The following PKN2 variants were observed in gnomAD, a reference collection of about 807,000 sequenced individuals.
PKN2 encodes protein kinase N2, also known as serine/threonine-protein kinase N2.
PKN2 carries 38 observed loss-of-function variants against 119.1 expected under a neutral mutation model. That is an observed-to-expected ratio of 0.32 (90% CI 0.25 to 0.42). PKN2 has a LOEUF of 0.42. PKN2 is among the 10% of genes least tolerant of loss of function. PKN2 has a pLI of 1.00. For missense variants in PKN2, 850 were observed against 1,165.1 expected, an observed-to-expected ratio of 0.73 and a Z score of 3.94; for synonymous variants, 390 against 384.9, an observed-to-expected ratio of 1.01 and a Z score of -0.15.
chr1:88,815,084 C>T (rs753017225), intron 16 of PKN2, among the ~76,000 whole-genome samples: 13 of 152,168 alleles, frequency 8.5e-5, no homozygotes, highest in Non-Finnish European at 1.8e-4. Context: ...TTCATTCCCT[C>T]AATATTTAAG....
At chr1:88,765,030 C>T (rs1435583274) in intron 3 of PKN2, among the ~76,000 whole-genome samples, 1 of 152,122 alleles carries the variant, frequency 6.6e-6, no homozygotes, top group Non-Finnish European at 1.5e-5. Context: ...TCAAGCGATT[C>T]TTCTGCCTCA....
intron 19 of PKN2, among the ~76,000 whole-genome samples, chr1:88,831,136 T>G (rs1672713242): frequency 6.6e-6 from 1 of 151,978 alleles, no homozygotes; most frequent in Non-Finnish European, 1.5e-5. Context: ...GACATGGTTT[T>G]AGATACTGTC....
rs147050619 is a variant in PKN2 at position 88,694,077 on chromosome 1, G to A, written c.48+9449G>A. On this transcript the variant is annotated intron_variant, in intron 1 of 21. Transcript: ENST00000370521. ...CCTACATATGTACATATGCATTATC[G>A]ACATCCTCCACAAGAGTACATTTGT... Among the ~76,000 whole-genome samples the A allele has an allele frequency of 3.9e-5, 6 of 152,186 alleles. No individual in the cohort carries two copies. In the East Asian group the frequency reaches 7.7e-4, roughly 20 times the overall value.
chr1:88,728,239 A>G (rs768742080), intron 1 of PKN2, among the ~76,000 whole-genome samples: 5 of 152,026 alleles, frequency 3.3e-5, no homozygotes, highest in East Asian at 3.9e-4. Flanking sequence ...AGCCTACTCA[A>G]TCTTGTTGAG....
chr1:88,697,131 T>A (rs1262850674), intron 1 of PKN2, among the ~76,000 whole-genome samples: 1 of 152,178 alleles, frequency 6.6e-6, no homozygotes, highest in African/African-American at 2.4e-5. Context: ...AGCATTTTGA[T>A]ACATTTGCAA....
chr1:88,700,437 T>G (rs184713045), intron 1 of PKN2, among the ~76,000 whole-genome samples: 30 of 152,268 alleles, frequency 2.0e-4, no homozygotes, highest in Non-Finnish European at 4.3e-4. Flanking sequence ...CATAAAAAAA[T>G]TACCTGACCT....
intron 1 of PKN2, among the ~76,000 whole-genome samples, chr1:88,693,545 A>G (rs1029066742): frequency 1.3e-5 from 2 of 152,164 alleles, no homozygotes; most frequent in Non-Finnish European, 2.9e-5. Flanking sequence ...AGGAAATGAT[A>G]TTATAAACAA....
At chr1:88,751,329 A>G (rs1370889389) in intron 2 of PKN2, among the ~76,000 whole-genome samples, 4 of 151,980 alleles carry the variant, frequency 2.6e-5, no homozygotes, top group Non-Finnish European at 5.9e-5. Context: ...ACATACAGGT[A>G]CATACAAGGT....
intron 2 of PKN2, among the ~76,000 whole-genome samples, chr1:88,756,157 A>G (rs1324955333): frequency 6.6e-6 from 1 of 152,044 alleles, no homozygotes; most frequent in Non-Finnish European, 1.5e-5. Context: ...CGGCCTCCCA[A>G]AGTGCTGGGA....
chr1:88,781,237 GTGGTTGTATGATTAT>G (rs1670330299), intron 6 of PKN2: 1 of 961,670 alleles, frequency 1.0e-6, no homozygotes, highest in Non-Finnish European at 1.4e-6. Context: ...AGTTTCTTTT[GTGGTTGTATGATTAT>G]ACTACTGAAA....
intron 2 of PKN2, among the ~76,000 whole-genome samples, chr1:88,742,234 T>A (rs757075016): frequency 6.6e-6 from 1 of 152,184 alleles, no homozygotes; most frequent in African/African-American, 2.4e-5. Flanking sequence ...ACGTGTGTGA[T>A]TAGCTAATAA....
At chr1:88,762,360 C>G (rs536369291) in intron 3 of PKN2, among the ~76,000 whole-genome samples, 1 of 152,110 alleles carries the variant, frequency 6.6e-6, no homozygotes, top group Non-Finnish European at 1.5e-5. Context: ...AAATGGAGGT[C>G]GAAAGCCTAT....
intron 1 of PKN2, among the ~76,000 whole-genome samples, chr1:88,704,308 G>A (rs1483152216): frequency 6.6e-6 from 1 of 152,114 alleles, no homozygotes; most frequent in Non-Finnish European, 1.5e-5. Context: ...CCATGCTGCA[G>A]TATGTATCGG....
chr1:88,698,321 G>A (rs1241349112), intron 1 of PKN2, among the ~76,000 whole-genome samples: 1 of 152,098 alleles, frequency 6.6e-6, no homozygotes, highest in African/African-American at 2.4e-5. Flanking sequence ...GACCTTGACA[G>A]AGATTCACTC....
rs369435647 is a variant in PKN2 at position 88,805,270 on chromosome 1, T to A, written c.1502-227T>A. On this transcript the variant is annotated intron_variant, in intron 10 of 21. Transcript: ENST00000370521. ...AGATTTATTTTTAAAACCTTACTACTAGACTTAAAGAGAAAAAAACAATTT... is the reference window on the plus strand; with the variant it reads ...AGATTTATTTTTAAAACCTTACTACAAGACTTAAAGAGAAAAAAACAATTT... Among the ~76,000 whole-genome samples the A allele has an allele frequency of 4.0e-4, 59 of 145,922 alleles. No homozygotes were observed. The East Asian group carries it at 9.8e-3, about 24-fold the overall frequency.
In PKN2 at chr1:88,696,276, A is replaced by G. The variant is rs139050437; in HGVS notation, c.48+11648A>G. On this transcript the variant is annotated intron_variant, in intron 1 of 21. Transcript: ENST00000370521. ...TTGTTTAGTAACAGTTGCAGAAAAT[A>G]GAAACCCACTTAAATTAGCTTAAGC... Among the ~76,000 whole-genome samples the G allele has an allele frequency of 2.5e-3, 374 of 152,346 alleles. 1 individual carries two copies. Among genetic ancestry groups the G allele is most frequent in the African/African-American group, 8.7e-3 (362 of 41,586 alleles).
chr1:88,737,843 G>A (rs1557577451), intron 1 of PKN2, among the ~76,000 whole-genome samples: 1 of 152,182 alleles, frequency 6.6e-6, no homozygotes, highest in Non-Finnish European at 1.5e-5. Context: ...TGTGCTTATA[G>A]TTGGGGGAGA....
intron 15 of PKN2, among the ~76,000 whole-genome samples, chr1:88,813,097 T>G (rs1671844844): frequency 6.6e-6 from 1 of 152,214 alleles, no homozygotes; most frequent in African/African-American, 2.4e-5. Flanking sequence ...ATATCTGTAC[T>G]GTTCAACTTC....
intron 18 of PKN2, among the ~76,000 whole-genome samples, chr1:88,826,230 A>C (rs1018074311): frequency 6.6e-6 from 1 of 152,182 alleles, no homozygotes; most frequent in Non-Finnish European, 1.5e-5. Context: ...CTAGAACATA[A>C]AAGGTGCAGA....
Sources: gnomAD v4.1 joint callset for allele counts (sites outside exome capture counted in the v4.1 genomes callset) on GRCh38, gnomAD v4.1.1 for gene constraint, MANE v1.5 for transcripts, NCBI Gene and HGNC (gene_info 2026-07-23, HGNC 2026-07-21) for gene names.